The following EDNRB variants were observed in gnomAD, a reference collection of about 807,000 sequenced individuals.
EDNRB encodes the protein endothelin receptor type B, also known as Hirschsprung disease 2.
Under a neutral mutation model 46.4 loss-of-function variants are expected in EDNRB, and 18 were observed. The ratio of observed to expected loss-of-function variants is 0.39; its 90% CI spans 0.27 to 0.57. The LOEUF (loss-of-function observed/expected upper bound fraction) is 0.57. Among genes scored for constraint, EDNRB ranks in the 20% least tolerant of loss-of-function variants. The probability of loss-of-function intolerance (pLI) is 0.61; values close to 1 mark genes in which losing one functional copy is unlikely to be tolerated. For missense variants in EDNRB, 434 were observed against 537.5 expected, an observed-to-expected ratio of 0.81 and a Z score of 1.90; for synonymous variants, 213 against 204.9, an observed-to-expected ratio of 1.04 and a Z score of -0.34.
At chr13:77,941,571 A>G (rs1325460029) in intron 1 of EDNRB, among the ~76,000 whole-genome samples, 2 of 152,240 alleles carry the variant, frequency 1.3e-5, no homozygotes, top group Non-Finnish European at 2.9e-5. Context: ...TCCTCACAGC[A>G]GCTTCATATC....
chr13:77,925,064 C>T (rs1880195257), intron 1 of EDNRB, among the ~76,000 whole-genome samples: 1 of 152,214 alleles, frequency 6.6e-6, no homozygotes, highest in Admixed American at 6.5e-5. Flanking sequence ...TCTTCCTCCA[C>T]CCAATCCCTA....
chr13:77,961,237 T>C (rs1288115914), intron 1 of EDNRB, among the ~76,000 whole-genome samples: 2 of 151,794 alleles, frequency 1.3e-5, no homozygotes, highest in African/African-American at 4.8e-5. Flanking sequence ...CAAGAGAATA[T>C]ACTCTCTTCT....
chr13:77,903,519 C>T lies in EDNRB; in HGVS notation c.572G>A (p.Ser191Asn). The T allele has an allele frequency of 6.2e-7, 1 of 1,612,854 alleles. No individual in the cohort carries two copies. Among genetic ancestry groups the T allele is most frequent in the African/African-American group, 1.3e-5 (1 of 74,908 alleles). Residue 191 changes from serine to asparagine, a missense_variant, in exon 2 of 7, where the codon AGT becomes AAT. Coordinates refer to ENST00000646607, the MANE Select transcript of EDNRB (RefSeq NM_001122659.3). ...CCTGTCAATACTCAGAGCACATAGA[C>T]TCAGCACAGTGATTCCCACAGAGGC... ...QKASVGITVL[S>N]LCALSIDRYR...
chr13:77,940,318 G>A (rs866674828), intron 1 of EDNRB, among the ~76,000 whole-genome samples: 22 of 111,556 alleles, frequency 2.0e-4, no homozygotes, highest in African/African-American at 6.0e-4. Context: ...TTAACCTAGA[G>A]AAGAGTTTAA....
intron 1 of EDNRB, among the ~76,000 whole-genome samples, chr13:77,937,151 C>G (rs1411827692): frequency 6.6e-6 from 1 of 152,182 alleles, no homozygotes; most frequent in African/African-American, 2.4e-5. Flanking sequence ...GGGCCCTGAA[C>G]TGGGCTGGGT....
chr13:77,901,666 A>G (rs1368028047), intron 3 of EDNRB, among the ~76,000 whole-genome samples: 1 of 152,004 alleles, frequency 6.6e-6, no homozygotes, highest in Non-Finnish European at 1.5e-5. Flanking sequence ...GCTCAGTAAC[A>G]TATAAATCTA....
At position 77,961,366 on chromosome 13, in the gene EDNRB, G is replaced by T. The variant is rs546413888; in HGVS notation, c.-52+13981C>A. On this transcript the variant is annotated intron_variant, in intron 1 of 7. Coordinates refer to the EDNRB transcript ENST00000646948. ...TATACTTTCTTCTCAGCACCACGTC[G>T]CACATAGTTGGAAGTAAAGCACTCC... is the stretch of plus-strand genomic sequence containing the variant. Among the ~76,000 whole-genome samples, 4 of 150,350 alleles carry T rather than the reference G, an allele frequency of 2.7e-5. No individual in the cohort carries two copies. In the South Asian group the frequency reaches 6.3e-4, roughly 24 times the overall value.
chr13:77,925,965 C>T (rs1443488606), intron 1 of EDNRB, among the ~76,000 whole-genome samples: 1 of 152,214 alleles, frequency 6.6e-6, no homozygotes, highest in African/African-American at 2.4e-5. Context: ...GACCCAGATG[C>T]GAGATATGGC....
chr13:77,929,277 CCAAA>C (rs1162736579), intron 1 of EDNRB, among the ~76,000 whole-genome samples: 1 of 152,114 alleles, frequency 6.6e-6, no homozygotes, highest in East Asian at 1.9e-4. Flanking sequence ...CCTTATCTTC[CCAAA>C]CAGTCATCTA....
At chr13:77,965,574 G>A (rs932258306) in intron 1 of EDNRB, among the ~76,000 whole-genome samples, 2 of 152,112 alleles carry the variant, frequency 1.3e-5, no homozygotes, top group African/African-American at 4.8e-5. Context: ...ATTGGTCTTG[G>A]AGGTTCCAGA....
chr13:77,951,172 A>C (rs1269105711), intron 1 of EDNRB, among the ~76,000 whole-genome samples: 3 of 152,218 alleles, frequency 2.0e-5, no homozygotes, highest in African/African-American at 7.2e-5. Flanking sequence ...TGACCAGAGC[A>C]AGCAGGTTTT....
intron 1 of EDNRB, among the ~76,000 whole-genome samples, chr13:77,948,077 T>C (rs1461079375): frequency 6.6e-6 from 1 of 152,204 alleles, no homozygotes; most frequent in Non-Finnish European, 1.5e-5. Context: ...AATGGTGCCT[T>C]ACAAGTCATA....
At chr13:77,962,739 C>G (rs1279580908) in intron 1 of EDNRB, among the ~76,000 whole-genome samples, 1 of 152,154 alleles carries the variant, frequency 6.6e-6, no homozygotes, top group Non-Finnish European at 1.5e-5. Context: ...TCTCACCACT[C>G]CTATTCAACA....
At chr13:77,906,482 G>A (rs1879286335) in intron 1 of EDNRB, among the ~76,000 whole-genome samples, 2 of 151,996 alleles carry the variant, frequency 1.3e-5, no homozygotes, top group African/African-American at 4.8e-5. Context: ...AAGTGATGAT[G>A]TGTGATGTCT....
intron 1 of EDNRB, among the ~76,000 whole-genome samples, chr13:77,908,312 C>T (rs1594365209): frequency 1.3e-5 from 2 of 151,764 alleles, no homozygotes. Flanking sequence ...ACTATTGATG[C>T]TCATCTCTGT....
chr13:77,963,543 G>A (rs1386663769), intron 1 of EDNRB, among the ~76,000 whole-genome samples: 1 of 152,104 alleles, frequency 6.6e-6, no homozygotes, highest in Non-Finnish European at 1.5e-5. Flanking sequence ...TTAATAAATG[G>A]TGCTGGGAAA....
chr13:77,928,780 A>G (rs1880308708), intron 1 of EDNRB, among the ~76,000 whole-genome samples: 1 of 152,238 alleles, frequency 6.6e-6, no homozygotes, highest in Non-Finnish European at 1.5e-5. Context: ...GATAAGAAGC[A>G]AAGACAAAAT....
chr13:77,967,045 C>T (rs530490820), intron 1 of EDNRB, among the ~76,000 whole-genome samples: 131 of 152,168 alleles, frequency 8.6e-4, no homozygotes, highest in Middle Eastern at 6.8e-3. Flanking sequence ...ATATAAAATA[C>T]AAAGTAACCT....
At chr13:77,959,592 G>T (rs1368484499) in intron 1 of EDNRB, among the ~76,000 whole-genome samples, 2 of 152,182 alleles carry the variant, frequency 1.3e-5, no homozygotes, top group Non-Finnish European at 2.9e-5. Flanking sequence ...AGATGAGGGA[G>T]AAACAGAACA....
Sources: gnomAD v4.1 joint callset for allele counts (sites outside exome capture counted in the v4.1 genomes callset) on GRCh38, gnomAD v4.1.1 for gene constraint, MANE v1.5 for transcripts, NCBI Gene and HGNC (gene_info 2026-07-23, HGNC 2026-07-21) for gene names.